The following ENTPD5 variants were observed in gnomAD, a reference collection of about 807,000 sequenced individuals.
The protein encoded by ENTPD5 is ectonucleoside triphosphate diphosphohydrolase 5 (inactive).
ENTPD5 carries 49 observed loss-of-function variants against 60.2 expected under a neutral mutation model. The observed-to-expected ratio is 0.81, with a 90% CI of 0.65 to 1.03. ENTPD5 has a LOEUF of 1.03. ENTPD5 is among the 50% of genes least tolerant of loss of function. ENTPD5 has a pLI of 0.00. For synonymous variants in ENTPD5, 187 were observed against 185.4 expected (o/e 1.01, Z -0.07); for missense variants, 480 against 507.6 (o/e 0.95, Z 0.52).
chr14:73,955,654 A>G (rs973241130), downstream of ENTPD5: 2 of 1,391,154 alleles, frequency 1.4e-6, no homozygotes, highest in Middle Eastern at 1.8e-4. Flanking sequence ...AAGCATTCCC[A>G]GGAGAATTTT....
At position 73,971,831 on chromosome 14, in the gene ENTPD5, AGGG is replaced by A. The variant is rs756911549; in HGVS notation, c.1084+18_1084+20del. 1 of 1,581,068 alleles carries A rather than the reference AGGG, an allele frequency of 6.3e-7. No homozygotes were observed. The highest frequency in any genetic ancestry group is 8.7e-7 in the Non-Finnish European group (1 of 1,149,964). On this transcript the variant is annotated intron_variant, in intron 14 of 15. Coordinates refer to ENST00000334696, the MANE Select transcript of ENTPD5 (RefSeq NM_001249.5). The stretch of plus-strand genomic sequence containing the variant: ...AGGCAGTCTCACAGGCTTACCTTCA[AGGG>A]CTTCCCCTGACACTTACCTTCCCTG...
downstream of ENTPD5, chr14:73,961,776 A>G: frequency 2.5e-6 from 4 of 1,614,190 alleles, no homozygotes; most frequent in African/African-American, 1.3e-5. Flanking sequence ...ACAGAAAGAC[A>G]GCGTCACAAC....
At chr14:73,975,062 C>T in intron 10 of ENTPD5, 77 bp from the exon 11 acceptor site, 1 of 1,116,880 alleles carries the variant, frequency 9.0e-7, no homozygotes, top group South Asian at 1.3e-5. Flanking sequence ...TCAAAAGTAA[C>T]ATTGTTCCTG....
Position 74,004,324 on chromosome 14 carries a change from C to T in ENTPD5, c.-71+6767G>A, listed in dbSNP as rs2058604432. Among the ~76,000 whole-genome samples, 3 of 152,154 alleles carry T rather than the reference C, an allele frequency of 2.0e-5. No individual in the cohort carries two copies. In the South Asian group the frequency reaches 6.2e-4, roughly 32 times the overall value. On this transcript the variant is annotated intron_variant, in intron 3 of 15. Coordinates refer to ENST00000334696, the MANE Select transcript of ENTPD5 (RefSeq NM_001249.5). Reference sequence around the variant, plus strand: ...CTGGGACTACAGGCACCCCCCACCACACCCGGCTAATTTTTGTATTTCTAG... The same window carrying T: ...CTGGGACTACAGGCACCCCCCACCATACCCGGCTAATTTTTGTATTTCTAG...
rs1848189829 is a variant in ENTPD5 at position 73,988,165 on chromosome 14, T to A, written c.-63A>T. ...GCAGAAGCAATCCTGCTCGCACACC[T>A]GCAGAGGCTTATAGGACAAAGACAC... On this transcript the variant is annotated 5_prime_UTR_variant, in exon 4 of 16. Coordinates refer to ENST00000334696, the MANE Select transcript of ENTPD5 (RefSeq NM_001249.5). 6.5e-7 allele frequency: 1 copy of A among 1,538,976 alleles called. No homozygotes were observed. Among genetic ancestry groups the A allele is most frequent in the Non-Finnish European group, 8.8e-7 (1 of 1,140,968 alleles).
chr14:73,973,065 C>T (rs766652025), intron 12 of ENTPD5, 41 bp from the exon 13 acceptor site: 2 of 1,608,916 alleles, frequency 1.2e-6, no homozygotes, highest in South Asian at 2.2e-5. Flanking sequence ...GAGAACGACG[C>T]TGGGGGAAGG....
chr14:74,017,794 G>C (rs568141798), intron 1 of ENTPD5, among the ~76,000 whole-genome samples: 1 of 149,716 alleles, frequency 6.7e-6, no homozygotes, highest in African/African-American at 2.5e-5. Context: ...TGAGGCAGGA[G>C]AATTGCTTGA....
At position 73,987,997 on chromosome 14, in the gene ENTPD5, A is replaced by G. The variant is rs773549667; in HGVS notation, c.106T>C (p.Ser36Pro). The change falls in exon 4 of 16, where the codon TCT (serine) becomes CCT (proline). Residue 36 changes from serine (S) to proline (P), a missense_variant. Transcript: ENST00000334696. ...CTGACATTGATGGGGCACATGGAAGACAGGAAGATACCCTCAAACCAAGTC... is the reference window on the plus strand; with the variant it reads ...CTGACATTGATGGGGCACATGGAAGGCAGGAAGATACCCTCAAACCAAGTC... ...QQTWFEGIFLSSMCPINVSAS... is the reference protein window; with the variant it reads ...QQTWFEGIFLPSMCPINVSAS... The G allele has an allele frequency of 4.3e-6, 7 of 1,614,192 alleles. No individual in the cohort carries two copies. In the South Asian group the frequency reaches 7.7e-5, roughly 18 times the overall value.
At position 73,991,235 on chromosome 14, in the gene ENTPD5, C is replaced by A. The variant is rs114080306; in HGVS notation, c.-70-3063G>T. 2.9e-3 allele frequency among the ~76,000 whole-genome samples: 438 copies of A among 152,158 alleles called. 4 individuals are homozygous for A. Among genetic ancestry groups the A allele is most frequent in the African/African-American group, 0.01 (430 of 41,502 alleles). Reference sequence around the variant, plus strand: ...CAAAGCTCAGACTGTGTCCTATGATCTCATCCGTAAAGGAAAACTGGAGTT... The same window carrying A: ...CAAAGCTCAGACTGTGTCCTATGATATCATCCGTAAAGGAAAACTGGAGTT... On this transcript the variant is annotated intron_variant, in intron 3 of 15. Coordinates refer to ENST00000334696, the MANE Select transcript of ENTPD5 (RefSeq NM_001249.5).
At chr14:73,962,931 CTGTGT>C, downstream of ENTPD5, 2 of 1,514,136 alleles carry the variant, frequency 1.3e-6, no homozygotes, top group Non-Finnish European at 1.8e-6. Flanking sequence ...CTTCACCTTA[CTGTGT>C]TAAGAGTTTC....
At chr14:73,968,560 G>A (rs543587985) in intron 15 of ENTPD5, among the ~76,000 whole-genome samples, 2 of 152,010 alleles carry the variant, frequency 1.3e-5, no homozygotes, top group East Asian at 1.9e-4. Context: ...CAAGTAGCTG[G>A]GATTACAGGC....
At chr14:73,987,034 T>C (rs1286094833) in intron 4 of ENTPD5, 141 bp from the exon 5 acceptor site, 4 of 738,068 alleles carry the variant, frequency 5.4e-6, no homozygotes, top group Non-Finnish European at 9.9e-6. Context: ...GAGGAATGTC[T>C]TGCAGGAGTA....
intron 13 of ENTPD5, among the ~76,000 whole-genome samples, chr14:73,972,576 C>T (rs2057272911): frequency 6.6e-6 from 1 of 152,042 alleles, no homozygotes; most frequent in Non-Finnish European, 1.5e-5. Flanking sequence ...TGTTTATTAT[C>T]TTCAATGTGC....
downstream of ENTPD5, chr14:73,958,656 G>T: frequency 7.7e-7 from 1 of 1,306,400 alleles, no homozygotes; most frequent in South Asian, 1.5e-5. Flanking sequence ...CCCTACATCA[G>T]AACTATTCAG....
chr14:73,968,675 C>T (rs2057089876), intron 15 of ENTPD5, among the ~76,000 whole-genome samples: 1 of 152,162 alleles, frequency 6.6e-6, no homozygotes, highest in Non-Finnish European at 1.5e-5. Context: ...ATCCGCCCGC[C>T]TCAGCCTCCC....
At chr14:73,977,519 G>A in intron 6 of ENTPD5, 145 bp from the exon 7 acceptor site, 1 of 579,418 alleles carries the variant, frequency 1.7e-6, no homozygotes, top group Non-Finnish European at 3.0e-6. Flanking sequence ...TTTGCCCTAA[G>A]AAACTAGAGA....
At chr14:73,990,416 T>A (rs972492856) in intron 3 of ENTPD5, among the ~76,000 whole-genome samples, 13 of 151,988 alleles carry the variant, frequency 8.6e-5, no homozygotes, top group African/African-American at 2.6e-4. Context: ...TTCACTGCAA[T>A]CATCACCTCC....
intron 3 of ENTPD5, among the ~76,000 whole-genome samples, chr14:73,995,455 T>C (rs2058308327): frequency 6.6e-6 from 1 of 151,950 alleles, no homozygotes; most frequent in East Asian, 1.9e-4. Flanking sequence ...GGATAAACAA[T>C]AATACAGTAA....
intron 4 of ENTPD5, chr14:73,987,153 A>G (rs1263374287): frequency 2.8e-6 from 2 of 702,138 alleles, no homozygotes. Flanking sequence ...GACCTGAGGA[A>G]AAAACACTGA....
Sources: allele counts gnomAD v4.1 joint callset (sites outside exome capture counted in the v4.1 genomes callset), GRCh38; gene constraint gnomAD v4.1.1; transcripts MANE v1.5; gene names NCBI Gene and HGNC (gene_info 2026-07-23, HGNC 2026-07-21).